The following LUZP2 variants were observed in gnomAD, a reference collection of about 807,000 sequenced individuals.
The protein encoded by LUZP2 is leucine zipper protein 2.
LUZP2 carries 52 observed loss-of-function variants against 51.6 expected under a neutral mutation model. That is an observed-to-expected ratio of 1.01 (90% CI 0.81 to 1.27). The LOEUF is 1.27. LUZP2 is among the 50% of genes most tolerant of loss of function. The pLI is 0.00. For synonymous variants in LUZP2, 154 were observed against 137.3 expected (o/e 1.12, Z -0.85); for missense variants, 436 against 395.4 (o/e 1.10, Z -0.87).
At chr11:24,839,481 A>G (rs1340781724) in intron 5 of LUZP2, among the ~76,000 whole-genome samples, 1 of 151,798 alleles carries the variant, frequency 6.6e-6, no homozygotes, top group Non-Finnish European at 1.5e-5. Flanking sequence ...TCAATTTATC[A>G]CATATTAATA....
At chr11:24,910,150 T>C (rs960142524) in intron 6 of LUZP2, among the ~76,000 whole-genome samples, 2 of 152,104 alleles carry the variant, frequency 1.3e-5, no homozygotes, top group African/African-American at 4.8e-5. Context: ...TTGTGAGAGA[T>C]AATTTAGGGT....
At chr11:24,805,696 C>A (rs1849834446) in intron 5 of LUZP2, among the ~76,000 whole-genome samples, 1 of 152,122 alleles carries the variant, frequency 6.6e-6, no homozygotes, top group Admixed American at 6.6e-5. Context: ...TTGAGGTTTT[C>A]TAGCCCATCG....
intron 5 of LUZP2, among the ~76,000 whole-genome samples, chr11:24,825,545 CATT>C (rs989274750): frequency 2.6e-5 from 4 of 152,104 alleles, no homozygotes; most frequent in Non-Finnish European, 2.9e-5. Flanking sequence ...CTTGAAATAA[CATT>C]AGTCAAAACT....
rs571653696 is a variant in LUZP2 at position 24,751,635 on chromosome 11, C to T, written c.334-11611C>T. 3.7e-5 allele frequency: 35 copies of T among 941,426 alleles called. No individual in the cohort carries two copies. The South Asian group carries it at 1.4e-3, about 37-fold the overall frequency. 58.3% of individuals were successfully genotyped at this position (941,426 alleles called of 1,614,324 possible). A position where few individuals can be genotyped will look rare whatever the true frequency, so the allele number is the denominator to read the frequency against. On this transcript the variant is annotated intron_variant, in intron 4 of 11. Transcript: ENST00000336930. ...TCAAAGTTTTCTATCCTGGGTTTTT[C>T]ATTTTCTCCCCAGGACAGCAGCCAT...
In LUZP2 at chr11:24,863,082, A is replaced by C. The variant is rs533857803; in HGVS notation, c.397-42909A>C. On this transcript the variant is annotated intron_variant, in intron 5 of 11. Transcript: ENST00000336930. Reference sequence around the variant, plus strand: ...ATAGGTAAGGATGTGAGGAAATAGGAATGTTCATTTATTGCTGATGGAAAT... The same window carrying C: ...ATAGGTAAGGATGTGAGGAAATAGGCATGTTCATTTATTGCTGATGGAAAT... Among the ~76,000 whole-genome samples, 5 of 152,300 alleles carry C rather than the reference A, an allele frequency of 3.3e-5. 1 individual carries two copies. In the South Asian group the frequency reaches 1.0e-3, roughly 32 times the overall value.
rs376881484 is a variant in LUZP2, at chr11:25,076,353, A to G, written c.859-976A>G. 7.9e-5 allele frequency among the ~76,000 whole-genome samples: 12 copies of G among 152,244 alleles called. No homozygotes were observed. The East Asian group carries it at 1.7e-3, about 22-fold the overall frequency. On this transcript the variant is annotated intron_variant, in intron 10 of 11. Coordinates refer to ENST00000336930, the MANE Select transcript of LUZP2 (RefSeq NM_001009909.4). ...AGCCATTTCACCTGGCCTAATGTTC[A>G]CAAATGATTAAACTCTTAGGCTCTG...
At position 24,524,520 on chromosome 11, in the gene LUZP2, CA is replaced by C. The variant is rs750300030; in HGVS notation, c.62+27218del. On this transcript the variant is annotated intron_variant, in intron 1 of 11. Transcript: ENST00000336930. ...TTCTTAGAGGAAGTTTAGGTAATGA[CA>C]AACCTTTCCCTGAAGTCTTTTGAAA... Among the ~76,000 whole-genome samples, 3 of 151,826 alleles carry C rather than the reference CA, an allele frequency of 2.0e-5. No homozygotes were observed. The East Asian group carries it at 5.8e-4, about 29-fold the overall frequency.
At chr11:24,761,562 G>T (rs1191330781) in intron 4 of LUZP2, among the ~76,000 whole-genome samples, 3 of 152,164 alleles carry the variant, frequency 2.0e-5, no homozygotes, top group African/African-American at 7.2e-5. Flanking sequence ...GCTGTATCCA[G>T]GCTGTGGGCC....
At chr11:24,562,689 T>C (rs1465581048) in intron 1 of LUZP2, among the ~76,000 whole-genome samples, 1 of 111,668 alleles carries the variant, frequency 9.0e-6, no homozygotes, top group Non-Finnish European at 1.9e-5. Context: ...CCGTCTCTAC[T>C]GAAAAAATAC....
intron 1 of LUZP2, among the ~76,000 whole-genome samples, chr11:24,673,289 G>T (rs752806993): frequency 2.6e-5 from 4 of 152,088 alleles, no homozygotes; most frequent in Non-Finnish European, 5.9e-5. Flanking sequence ...GGTTATATCT[G>T]GTCTCTTGTT....
At chr11:24,949,308 C>CTA (rs1855004720) in intron 7 of LUZP2, among the ~76,000 whole-genome samples, 1 of 111,986 alleles carries the variant, frequency 8.9e-6, no homozygotes, top group African/African-American at 3.5e-5. Flanking sequence ...ATCTATCTAT[C>CTA]TATCTATCTA....
intron 1 of LUZP2, among the ~76,000 whole-genome samples, chr11:24,566,951 ATATATATTTATATATAAATATG>A (rs1408709486): frequency 2.7e-4 from 1 of 3,692 alleles, no homozygotes; most frequent in Non-Finnish European, 5.5e-4. Flanking sequence ...ATAAATATAT[ATATATATTTATATATAAATATG>A]TATATATATA....
chr11:24,921,520 A>G (rs565843531), intron 7 of LUZP2, among the ~76,000 whole-genome samples: 252 of 152,232 alleles, frequency 1.7e-3, no homozygotes, highest in African/African-American at 5.8e-3. Context: ...CTACTTTCTA[A>G]TCGCCGGCAT....
chr11:24,749,011 T>A (rs1014755636), intron 4 of LUZP2, among the ~76,000 whole-genome samples: 3 of 152,208 alleles, frequency 2.0e-5, no homozygotes, highest in East Asian at 1.9e-4. Flanking sequence ...AATCTTGATA[T>A]AGATAGTTGA....
intron 1 of LUZP2, among the ~76,000 whole-genome samples, chr11:24,593,474 T>C (rs1171906809): frequency 1.3e-5 from 2 of 152,166 alleles, no homozygotes; most frequent in Non-Finnish European, 2.9e-5. Context: ...TAGCTGTCAG[T>C]TGGCTGAGAA....
intron 1 of LUZP2, among the ~76,000 whole-genome samples, chr11:24,727,028 A>G (rs1304865819): frequency 6.7e-6 from 1 of 150,322 alleles, no homozygotes; most frequent in Non-Finnish European, 1.5e-5. Flanking sequence ...ATGGTTCCCA[A>G]TGTATTTACC....
chr11:24,602,253 TGCAAAC>T (rs1853740428), intron 1 of LUZP2, among the ~76,000 whole-genome samples: 4 of 88,944 alleles, frequency 4.5e-5, no homozygotes, highest in African/African-American at 1.3e-4. Flanking sequence ...TGTATATATA[TGCAAAC>T]ATATATGTAC....
intron 7 of LUZP2, among the ~76,000 whole-genome samples, chr11:24,955,832 G>A (rs1855196137): frequency 6.6e-6 from 1 of 152,054 alleles, no homozygotes; most frequent in African/African-American, 2.4e-5. Context: ...GAAGATAGGG[G>A]AGTTTGTGTT....
At chr11:24,725,637 A>G (rs1858446706) in intron 1 of LUZP2, among the ~76,000 whole-genome samples, 1 of 152,160 alleles carries the variant, frequency 6.6e-6, no homozygotes, top group African/African-American at 2.4e-5. Flanking sequence ...GTATGAAAAA[A>G]AAATCCATAT....
Sources: gnomAD v4.1 joint callset for allele counts (sites outside exome capture counted in the v4.1 genomes callset) on GRCh38, gnomAD v4.1.1 for gene constraint, MANE v1.5 for transcripts, NCBI Gene and HGNC (gene_info 2026-07-23, HGNC 2026-07-21) for gene names.